Variants in RELA observed in about 807,000 individuals in gnomAD.
RELA encodes the protein transcription factor p65.
Under a neutral mutation model 56.7 loss-of-function variants are expected in RELA, and 14 were observed. That is an observed-to-expected ratio of 0.25 (90% confidence interval 0.16 to 0.39). RELA has a LOEUF of 0.39. Ranked by LOEUF, RELA falls within the 10% of genes least tolerant of loss-of-function variation. The pLI is 1.00. For missense variants in RELA, 559 were observed against 736.4 expected (o/e 0.76, Z 2.79); for synonymous variants, 315 against 289.7 (o/e 1.09, Z -0.89).
chr11:65,655,110 GAGTC>G, intron 10 of RELA, 110 bp from the exon 11 acceptor site: 1 of 874,996 alleles, frequency 1.1e-6, no homozygotes, highest in East Asian at 2.6e-5. Context: ...CCTCTCTAGG[GAGTC>G]ACTGCCAACA....
rs1464751808 is a variant in RELA, at chr11:65,660,953, G to A, written c.335+734C>T. On this transcript the variant is annotated intron_variant, in intron 4 of 10. Transcript: ENST00000406246. ...ATTCGGGAAGCTGAGGCAGGAGAATGGCATGAACCCGGAAGGTGGAGGTTG... is the reference window on the plus strand; with the variant it reads ...ATTCGGGAAGCTGAGGCAGGAGAATAGCATGAACCCGGAAGGTGGAGGTTG... Among the ~76,000 whole-genome samples, 14 of 150,652 alleles carry A rather than the reference G, an allele frequency of 9.3e-5. No homozygotes were observed. The Admixed American group carries it at 9.3e-4, about 10-fold the overall frequency.
intron 8 of RELA, among the ~76,000 whole-genome samples, chr11:65,657,580 C>T (rs1856462502): frequency 6.6e-6 from 1 of 152,176 alleles, no homozygotes; most frequent in Non-Finnish European, 1.5e-5. Context: ...GTGCAGTTGC[C>T]AACACCCCTT....
In RELA at chr11:65,659,815, G is replaced by T. The variant is rs372155412; in HGVS notation, c.428-18C>A. The T allele has an allele frequency of 6.2e-6, 10 of 1,601,224 alleles. No individual in the cohort carries two copies. Among genetic ancestry groups the T allele is most frequent in the Admixed American group, 3.4e-5 (2 of 58,814 alleles). On this transcript the variant is annotated intron_variant, in intron 5 of 10. Coordinates refer to ENST00000406246, the MANE Select transcript of RELA (RefSeq NM_021975.4). Reference sequence around the variant, plus strand: ...TATAGGAACTGCCAAGAAAACAGGCGATCAGGAGAGCAGGGGAAGTGGGGA... The same window carrying T: ...TATAGGAACTGCCAAGAAAACAGGCTATCAGGAGAGCAGGGGAAGTGGGGA...
In RELA at chr11:65,653,703, C is replaced by T. The variant is rs964688775; in HGVS notation, c.*675G>A. On this transcript the variant is annotated 3_prime_UTR_variant, in exon 11 of 11. Transcript: ENST00000406246. The stretch of plus-strand genomic sequence containing the variant: ...TGCCTCCTGACTGGAGAGCTGCCAG[C>T]CTGCTCTCCCCCACTCTTAACAACT... 12 of 152,794 alleles carry T rather than the reference C, an allele frequency of 7.9e-5. No individual in the cohort carries two copies. Among genetic ancestry groups the T allele is most frequent in the East Asian group, 3.9e-4 (2 of 5,184 alleles). The allele number at this position is 152,794 out of a possible 1,614,324, so 9.5% of individuals were successfully genotyped here.
chr11:65,655,193 T>TG (rs1224157807), intron 10 of RELA, 193 bp from the exon 11 acceptor site: 2 of 602,420 alleles, frequency 3.3e-6, no homozygotes, highest in African/African-American at 1.9e-5. Flanking sequence ...ACCTCCACCT[T>TG]GGAGTCCTCC....
At chr11:65,659,858 G>A (rs990419856) in intron 5 of RELA, 61 bp from the exon 6 acceptor site, 1 of 1,550,758 alleles carries the variant, frequency 6.4e-7, no homozygotes. Context: ...GCTATCAGTG[G>A]GGGCAGGGAG....
At position 65,662,033 on chromosome 11, in the gene RELA, C is replaced by T; in HGVS notation, c.90G>A (p.Arg30=). The part of the protein sequence containing the change: ...YVEIIEQPKQ[R]GMRFRYKCEG... Reference sequence around the variant, plus strand: ...CGCACTTGTAGCGGAAGCGCATGCCCCGCTGCTTGGGCTGCTCAATGATCT... The same window carrying T: ...CGCACTTGTAGCGGAAGCGCATGCCTCGCTGCTTGGGCTGCTCAATGATCT... Residue 30 remains arginine, a synonymous_variant, in exon 3 of 11, where the codon CGG becomes CGA. Coordinates refer to ENST00000406246, the MANE Select transcript of RELA (RefSeq NM_021975.4). The T allele has an allele frequency of 1.2e-6, 2 of 1,613,058 alleles. No individual in the cohort carries two copies. The highest frequency in any genetic ancestry group is 1.7e-6 in the Non-Finnish European group (2 of 1,179,748).
At position 65,658,717 on chromosome 11, in the gene RELA, C is replaced by A; in HGVS notation, c.664+1G>T. 1 of 1,613,626 alleles carries A rather than the reference C, an allele frequency of 6.2e-7. No homozygotes were observed. The highest frequency in any genetic ancestry group is 8.5e-7 in the Non-Finnish European group (1 of 1,179,566). ...GCCCACCCCTGCCTCCTGATGTATACCTTTCTGCACCTTGTCACACAGTAG... is the reference window on the plus strand; with the variant it reads ...GCCCACCCCTGCCTCCTGATGTATAACTTTCTGCACCTTGTCACACAGTAG... On this transcript the variant is annotated splice_donor_variant, in intron 7 of 10. Coordinates refer to ENST00000406246, the MANE Select transcript of RELA (RefSeq NM_021975.4). LOFTEE classifies it high-confidence loss of function. This position sits in a 1 kb window ranked among gnomAD's most constrained non-coding sequence, Gnocchi z 4.5.
Position 65,661,740 on chromosome 11 carries a change from G to C in RELA, c.282C>G (p.Asp94Glu). ...RPHPHELVGK[D>E]CRDGFYEAEL... The stretch of plus-strand genomic sequence containing the variant: ...CAGCCTCATAGAAGCCATCCCGGCA[G>C]TCCTTTCCTACAAGCTCGTGGGGGT... The change falls in exon 4 of 11, where the codon GAC becomes GAG. Residue 94 changes from aspartate (D) to glutamate (E), a missense_variant. Asp to Glu is a conservative substitution (Grantham distance 45, BLOSUM62 2). This residue lies in a region of RELA where 149 missense variants were observed against 256.0 expected (regional missense o/e 0.58). Transcript: ENST00000406246. 2.5e-6 allele frequency: 4 copies of C among 1,613,638 alleles called. No homozygotes were observed. Among genetic ancestry groups the C allele is most frequent in the Non-Finnish European group, 3.4e-6 (4 of 1,179,776 alleles).
chr11:65,654,482 G>C lies in RELA; in HGVS notation c.1552C>G (p.Leu518Val), dbSNP rs759178495. The C allele has an allele frequency of 6.2e-7, 1 of 1,603,036 alleles. No individual in the cohort carries two copies. The highest frequency in any genetic ancestry group is 1.8e-5 in the Admixed American group (1 of 56,750). ...CCATTGGGGAGCCCCGGGGCCCCCA[G>C]TGGAGCAGGAGCTGGGTCGGGGGGC... ...QRPPDPAPAP[L>V]GAPGLPNGLL... Residue 518 changes from leucine (L) to valine (V), a missense_variant, in exon 11 of 11, where the codon CTG becomes GTG. By Grantham distance (32) the Leu-to-Val change is conservative. Coordinates refer to ENST00000406246, the MANE Select transcript of RELA (RefSeq NM_021975.4).
At chr11:65,663,040 C>G, upstream of RELA, 1 of 280,610 alleles carries the variant, frequency 3.6e-6, no homozygotes, top group Non-Finnish European at 6.5e-6. Context: ...AGAGGCTGCA[C>G]GCACAGCCGC....
At chr11:65,657,067 G>A (rs759515887) in intron 8 of RELA, among the ~76,000 whole-genome samples, 3 of 151,974 alleles carry the variant, frequency 2.0e-5, no homozygotes, top group South Asian at 2.1e-4. Context: ...CTCAAGTGAC[G>A]GTGGTCCAGG....
intron 4 of RELA, 124 bp downstream of exon 4, chr11:65,661,563 C>T: frequency 1.2e-6 from 1 of 852,474 alleles, no homozygotes; most frequent in Non-Finnish European, 1.8e-6. Flanking sequence ...ACTTGCAGAG[C>T]TGAGTCAGGG....
chr11:65,662,323 C>G, intron 1 of RELA, 118 bp from the exon 2 acceptor site: 1 of 1,256,578 alleles, frequency 8.0e-7, no homozygotes. Flanking sequence ...GAGTCAGGAC[C>G]TGCTCCCTAG....
chr11:65,654,450 A>G lies in RELA; in HGVS notation c.1584T>C (p.Leu528=), dbSNP rs1193877984. ...TGGAGGAGAAGTCTTCATCTCCTGAAAGGAGGCCATTGGGGAGCCCCGGGG... is the reference window on the plus strand; with the variant it reads ...TGGAGGAGAAGTCTTCATCTCCTGAGAGGAGGCCATTGGGGAGCCCCGGGG... ...LGAPGLPNGL[L]SGDEDFSSIA... Residue 528 remains leucine, a synonymous_variant, in exon 11 of 11, where the codon CTT becomes CTC. Coordinates refer to ENST00000406246, the MANE Select transcript of RELA (RefSeq NM_021975.4). The G allele has an allele frequency of 3.1e-6, 5 of 1,609,680 alleles. No individual in the cohort carries two copies. The highest frequency in any genetic ancestry group is 2.5e-6 in the Non-Finnish European group (3 of 1,178,316).
At chr11:65,662,376 C>T (rs983054695) in intron 1 of RELA, 171 bp from the exon 2 acceptor site, 1 of 699,604 alleles carries the variant, frequency 1.4e-6, no homozygotes, top group African/African-American at 1.9e-5. Context: ...GAACCAGAAA[C>T]ACCTGCTTCT....
Position 65,655,902 on chromosome 11 carries a change from C to T in RELA, c.911G>A (p.Arg304Lys), listed in dbSNP as rs1254886027. ...GATGCTCTTGAAGGTCTCATATGTCCTTTTACGTTTCTCCTCAATCCGGTG... is the reference window on the plus strand; with the variant it reads ...GATGCTCTTGAAGGTCTCATATGTCTTTTTACGTTTCTCCTCAATCCGGTG... ...DRHRIEEKRK[R>K]TYETFKSIMK... The change falls in exon 9 of 11, where the codon AGG becomes AAG. Residue 304 changes from arginine to lysine, a missense_variant. Coordinates refer to ENST00000406246, the MANE Select transcript of RELA (RefSeq NM_021975.4). 1 of 1,614,128 alleles carries T rather than the reference C, an allele frequency of 6.2e-7. No individual in the cohort carries two copies. The highest frequency in any genetic ancestry group is 8.5e-7 in the Non-Finnish European group (1 of 1,180,002).
Position 65,654,368 on chromosome 11 carries a change from C to A in RELA, c.*10G>T. On this transcript the variant is annotated 3_prime_UTR_variant, in exon 11 of 11. Transcript: ENST00000406246. ...AACCCAGTGCTCTGGGGAGGGCAGG[C>A]GTCACCCCCTTAGGAGCTGATCTGA... 2 of 1,613,780 alleles carry A rather than the reference C, an allele frequency of 1.2e-6. No homozygotes were observed. Among genetic ancestry groups the A allele is most frequent in the East Asian group, 2.2e-5 (1 of 44,884 alleles).
At position 65,659,776 on chromosome 11, in the gene RELA, C is replaced by T; in HGVS notation, c.449G>A (p.Gly150Glu). 6.2e-7 allele frequency: 1 copy of T among 1,613,144 alleles called. No homozygotes were observed. The highest frequency in any genetic ancestry group is 8.5e-7 in the Non-Finnish European group (1 of 1,179,624). The change falls in exon 6 of 11, where the codon GGG becomes GAG. Residue 150 changes from glycine (G) to glutamate (E), a missense_variant. Around this residue, in one of 4 missense-constraint regions of RELA, gnomAD observed 149 missense variants for 256.0 expected, o/e 0.58. Transcript: ENST00000406246. The part of the protein sequence containing the change: ...PFQVPIEEQR[G>E]DYDLNAVRLC... The stretch of plus-strand genomic sequence containing the variant: ...CCGCACAGCATTCAGGTCGTAGTCC[C>T]CACGCTGCTCTTCTATAGGAACTGC...
Sources: gnomAD v4.1 joint callset for allele counts (sites outside exome capture counted in the v4.1 genomes callset) on GRCh38, gnomAD v4.1.1 for gene constraint, gnomAD v4.1.1 regional missense constraint, Gnocchi (gnomAD v3.1) non-coding constraint, MANE v1.5 for transcripts, NCBI Gene and HGNC (gene_info 2026-07-23, HGNC 2026-07-21) for gene names.